ARHGAP15: variants seen among roughly 807,000 people sequenced by gnomAD.
ARHGAP15 encodes rho GTPase-activating protein 15.
Under a neutral mutation model 63.7 loss-of-function variants are expected in ARHGAP15, and 51 were observed. The ratio of observed to expected loss-of-function variants is 0.80; its 90% CI spans 0.64 to 1.01. The LOEUF (loss-of-function observed/expected upper bound fraction) is 1.01, where lower values mean the gene tolerates loss of function less well. Among genes scored for constraint, ARHGAP15 ranks in the 50% least tolerant of loss-of-function variants. The pLI, the probability that ARHGAP15 is intolerant of heterozygous loss-of-function variation, is 0.00. For missense variants in ARHGAP15, 560 were observed against 564.6 expected (o/e 0.99, Z 0.08); for synonymous variants, 191 against 193.8 (o/e 0.99, Z 0.12).
rs140281200 is a variant in ARHGAP15 at position 143,604,888 on chromosome 2, T to C, written c.1004-19245T>C. ...GTGCATAGCATAATATTTTACAGGGTTTTTTTGTTTTGTTTTGTTTTGTTT... is the reference window on the plus strand; with the variant it reads ...GTGCATAGCATAATATTTTACAGGGCTTTTTTGTTTTGTTTTGTTTTGTTT... On this transcript the variant is annotated intron_variant, in intron 11 of 13. Transcript: ENST00000295095. Among the ~76,000 whole-genome samples the C allele has an allele frequency of 2.3e-3, 346 of 151,856 alleles. 1 individual carries two copies. Among genetic ancestry groups the C allele is most frequent in the African/African-American group, 8.0e-3 (332 of 41,440 alleles).
At chr2:143,491,719 T>G (rs1364595963) in intron 9 of ARHGAP15, among the ~76,000 whole-genome samples, 5 of 152,182 alleles carry the variant, frequency 3.3e-5, no homozygotes. Flanking sequence ...TACATCCTTC[T>G]TATTTAGGGT....
chr2:143,677,079 T>C (rs1205760160), intron 12 of ARHGAP15, among the ~76,000 whole-genome samples: 2 of 152,248 alleles, frequency 1.3e-5, no homozygotes, highest in East Asian at 3.8e-4. Flanking sequence ...GTTTGTGTTA[T>C]TGTGTTTTGA....
intron 8 of ARHGAP15, among the ~76,000 whole-genome samples, chr2:143,438,280 CACGT>C (rs770008362): frequency 2.0e-5 from 3 of 151,992 alleles, no homozygotes; most frequent in Non-Finnish European, 2.9e-5. Context: ...TACACATACA[CACGT>C]ATGTATGTAT....
chr2:143,499,866 A>G (rs1692975972), intron 9 of ARHGAP15, among the ~76,000 whole-genome samples: 1 of 152,220 alleles, frequency 6.6e-6, no homozygotes, highest in East Asian at 1.9e-4. Context: ...TATTTTCATT[A>G]TTTAAAAAGA....
chr2:143,327,416 C>A (rs1016837742), intron 6 of ARHGAP15, among the ~76,000 whole-genome samples: 7 of 151,926 alleles, frequency 4.6e-5, no homozygotes, highest in Non-Finnish European at 8.8e-5. Context: ...CATATGGAAC[C>A]AAAAAAGAGC....
At chr2:143,337,236 G>A (rs112435706) in intron 6 of ARHGAP15, among the ~76,000 whole-genome samples, 7 of 142,844 alleles carry the variant, frequency 4.9e-5, no homozygotes, top group African/African-American at 1.2e-4. Context: ...GGTCTAGCTG[G>A]AGAGAAAGAG....
intron 6 of ARHGAP15, among the ~76,000 whole-genome samples, chr2:143,269,237 G>A (rs1476124537): frequency 2.0e-5 from 3 of 152,004 alleles, no homozygotes; most frequent in East Asian, 1.9e-4. Context: ...TCTGGAGAGC[G>A]GTCAGAGATA....
chr2:143,384,804 C>T (rs532323170), intron 6 of ARHGAP15, among the ~76,000 whole-genome samples: 1 of 152,116 alleles, frequency 6.6e-6, no homozygotes, highest in South Asian at 2.1e-4. Context: ...GCCTCTGCCT[C>T]TGAGAAAAAT....
intron 10 of ARHGAP15, among the ~76,000 whole-genome samples, chr2:143,535,819 A>G (rs1694728908): frequency 6.6e-6 from 1 of 152,238 alleles, no homozygotes; most frequent in Non-Finnish European, 1.5e-5. Flanking sequence ...AACATGAGAT[A>G]CATTTATAAT....
At chr2:143,332,507 A>G (rs1178976776) in intron 6 of ARHGAP15, among the ~76,000 whole-genome samples, 1 of 152,230 alleles carries the variant, frequency 6.6e-6, no homozygotes, top group African/African-American at 2.4e-5. Flanking sequence ...ATATCACTTC[A>G]TAACAAGACA....
At chr2:143,319,220 G>T (rs1390826258) in intron 6 of ARHGAP15, among the ~76,000 whole-genome samples, 2 of 145,256 alleles carry the variant, frequency 1.4e-5, no homozygotes, top group Admixed American at 1.4e-4. Flanking sequence ...TTCTTTATTG[G>T]TTCCCGCCTT....
chr2:143,544,825 C>T (rs116198885), intron 10 of ARHGAP15, among the ~76,000 whole-genome samples: 378 of 152,308 alleles, frequency 2.5e-3, no homozygotes, highest in African/African-American at 8.9e-3. Flanking sequence ...CAGGAAGGAA[C>T]ATGACCTAGT....
intron 11 of ARHGAP15, among the ~76,000 whole-genome samples, chr2:143,567,324 G>A (rs1352601846): frequency 6.6e-6 from 1 of 152,180 alleles, no homozygotes. Flanking sequence ...TAACAAACAA[G>A]TGCATTAATG....
intron 6 of ARHGAP15, among the ~76,000 whole-genome samples, chr2:143,266,718 A>G (rs1681016316): frequency 6.6e-6 from 1 of 152,166 alleles, no homozygotes; most frequent in Non-Finnish European, 1.5e-5. Context: ...CAAAATTCTT[A>G]TGCTTTTTTT....
intron 8 of ARHGAP15, among the ~76,000 whole-genome samples, chr2:143,454,120 A>C (rs1690536769): frequency 6.6e-6 from 1 of 152,092 alleles, no homozygotes; most frequent in Non-Finnish European, 1.5e-5. Flanking sequence ...AGCCTTCCTT[A>C]GTAATCACCG....
rs902269005 is a variant in ARHGAP15, at chr2:143,489,238, A to T, written c.826+1743A>T. Among the ~76,000 whole-genome samples the T allele has an allele frequency of 1.4e-4, 21 of 152,350 alleles. 1 individual carries two copies. Among genetic ancestry groups the T allele is most frequent in the Admixed American group, 9.1e-4 (14 of 15,306 alleles). ...TGCTCTAGAATTGGTCTCAGAAAGC[A>T]TTAGGAAAGCTGGATGCCTAATGCA... On this transcript the variant is annotated intron_variant, in intron 9 of 13. Coordinates refer to ENST00000295095, the MANE Select transcript of ARHGAP15 (RefSeq NM_018460.4).
chr2:143,362,517 A>G (rs1206213348), intron 6 of ARHGAP15, among the ~76,000 whole-genome samples: 4 of 152,220 alleles, frequency 2.6e-5, no homozygotes, highest in African/African-American at 9.6e-5. Context: ...GCAATAGTCT[A>G]GATGATTTTA....
intron 6 of ARHGAP15, among the ~76,000 whole-genome samples, chr2:143,434,833 G>T (rs956479173): frequency 3.9e-5 from 6 of 152,066 alleles, no homozygotes; most frequent in African/African-American, 9.7e-5. Context: ...GTATTGCTCT[G>T]TTTCTGTAGG....
intron 6 of ARHGAP15, among the ~76,000 whole-genome samples, chr2:143,251,090 GAAA>G (rs921934602): frequency 3.3e-5 from 5 of 149,714 alleles, no homozygotes; most frequent in South Asian, 2.1e-4. Context: ...TTAGTTTTTT[GAAA>G]AAAAAAGTTG....
Sources: allele counts gnomAD v4.1 joint callset (sites outside exome capture counted in the v4.1 genomes callset), GRCh38; gene constraint gnomAD v4.1.1; transcripts MANE v1.5; gene names NCBI Gene and HGNC (gene_info 2026-07-23, HGNC 2026-07-21).